The following IL18 variants were observed in gnomAD, a reference collection of about 807,000 sequenced individuals.
IL18 encodes interleukin-18.
In IL18, 8 loss-of-function variants were observed where a neutral mutation model predicts 14.2. That is an observed-to-expected ratio of 0.56 (90% confidence interval 0.33 to 1.01). IL18 has a LOEUF of 1.01. Ranked by LOEUF, IL18 falls within the 50% of genes least tolerant of loss-of-function variation. The pLI is 0.03. For synonymous variants in IL18, 67 were observed against 71.0 expected (o/e 0.94, Z 0.28); for missense variants, 166 against 231.1 (o/e 0.72, Z 1.83).
chr11:112,144,194 A>G (rs147715713), intron 5 of IL18, among the ~76,000 whole-genome samples: 95 of 152,310 alleles, frequency 6.2e-4, no homozygotes, highest in African/African-American at 2.0e-3. Context: ...GCTAAAGACG[A>G]TGATGACCTC....
chr11:112,148,528 T>A, intron 5 of IL18, 75 bp downstream of exon 5: 1 of 767,934 alleles, frequency 1.3e-6, no homozygotes, highest in African/African-American at 1.8e-5. Context: ...TATATTAACA[T>A]TAGAAATAAT....
intron 1 of IL18, among the ~76,000 whole-genome samples, chr11:112,156,281 T>C (rs1866530092): frequency 6.6e-6 from 1 of 152,180 alleles, no homozygotes; most frequent in Non-Finnish European, 1.5e-5. Context: ...GTTGGTGTTA[T>C]ACAACTAACT....
chr11:112,161,914 A>AT (rs140910810), intron 1 of IL18, among the ~76,000 whole-genome samples: 16,093 of 152,136 alleles, frequency 0.11, 1,110 homozygotes, highest in East Asian at 0.39. Context: ...CCTGTTGAAT[A>AT]GGTATGGGAT....
intron 5 of IL18, among the ~76,000 whole-genome samples, chr11:112,147,928 C>T (rs1419379873): frequency 6.6e-6 from 1 of 151,624 alleles, no homozygotes; most frequent in African/African-American, 2.4e-5. Context: ...GTTTATCTAA[C>T]AATAATGGAG....
chr11:112,160,679 A>T (rs993143354), intron 1 of IL18, among the ~76,000 whole-genome samples: 3 of 152,118 alleles, frequency 2.0e-5, no homozygotes, highest in Admixed American at 6.5e-5. Context: ...GTAGAAAGGG[A>T]TGTGTAGAAT....
chr11:112,161,997 A>C (rs1046125643), intron 1 of IL18, among the ~76,000 whole-genome samples: 1 of 152,254 alleles, frequency 6.6e-6, no homozygotes, highest in South Asian at 2.1e-4. Flanking sequence ...CAACAAGATC[A>C]AAACCTAACT....
Position 112,161,920 on chromosome 11 carries a change from G to T in IL18, c.-9+1986C>A, listed in dbSNP as rs78334734. On this transcript the variant is annotated intron_variant, in intron 1 of 5. Transcript: ENST00000280357. ...AATTCCAATCCTGTTGAATAGGTAT[G>T]GGATGAAATGAGGGAGCATGCTACA... is the stretch of plus-strand genomic sequence containing the variant. Among the ~76,000 whole-genome samples the T allele has an allele frequency of 3.9e-5, 6 of 152,258 alleles. No homozygotes were observed. The East Asian group carries it at 1.2e-3, about 29-fold the overall frequency.
At position 112,155,953 on chromosome 11, in the gene IL18, G is replaced by T. The variant is rs1178732862; in HGVS notation, c.-8-892C>A. Among the ~76,000 whole-genome samples, 4 of 152,232 alleles carry T rather than the reference G, an allele frequency of 2.6e-5. No homozygotes were observed. The South Asian group carries it at 6.2e-4, about 24-fold the overall frequency. ...AGTACTTGTGACTCTGTCATTAATA[G>T]AAATACCTATTTTCTGTTGTGCTAC... On this transcript the variant is annotated intron_variant, in intron 1 of 5. Coordinates refer to ENST00000280357, the MANE Select transcript of IL18 (RefSeq NM_001562.4).
rs1184810403 is a variant in IL18, at chr11:112,150,101, A to C, written c.197T>G (p.Phe66Cys). ...ACAGTCAGAATCAGTCATATCTTCAAATAGAGGCCGATTTCCTTGGTCAAT... is the reference window on the plus strand; with the variant it reads ...ACAGTCAGAATCAGTCATATCTTCACATAGAGGCCGATTTCCTTGGTCAAT... ...LFIDQGNRPLFEDMTDSDCRD... is the reference protein window; with the variant it reads ...LFIDQGNRPLCEDMTDSDCRD... Residue 66 changes from phenylalanine to cysteine, a missense_variant, in exon 4 of 6, where the codon TTT becomes TGT. Coordinates refer to ENST00000280357, the MANE Select transcript of IL18 (RefSeq NM_001562.4). 1.2e-6 allele frequency: 2 copies of C among 1,609,914 alleles called. No individual in the cohort carries two copies. Among genetic ancestry groups the C allele is most frequent in the Non-Finnish European group, 1.7e-6 (2 of 1,178,606 alleles).
At chr11:112,146,697 G>A (rs1325267259) in intron 5 of IL18, among the ~76,000 whole-genome samples, 1 of 152,014 alleles carries the variant, frequency 6.6e-6, no homozygotes, top group East Asian at 1.9e-4. Flanking sequence ...GGCAGGAAAA[G>A]GGATTAAAGA....
chr11:112,155,193 G>C (rs360721), intron 1 of IL18, 132 bp from the exon 2 acceptor site: 150,101 of 533,580 alleles, frequency 0.28, 22,095 homozygotes, highest in Admixed American at 0.33. Flanking sequence ...TTCAATAAAT[G>C]CCAGAAGTTT....
At chr11:112,162,988 T>C (rs1282686541) in intron 1 of IL18, among the ~76,000 whole-genome samples, 1 of 152,146 alleles carries the variant, frequency 6.6e-6, no homozygotes, top group Admixed American at 6.5e-5. Flanking sequence ...CCCTGGCTGG[T>C]CTCAAATTCC....
At chr11:112,154,554 C>T (rs557954574) in intron 2 of IL18, among the ~76,000 whole-genome samples, 1 of 151,804 alleles carries the variant, frequency 6.6e-6, no homozygotes, top group East Asian at 1.9e-4. Context: ...AACATATTTA[C>T]ATAAAATGGT....
chr11:112,156,309 C>T (rs1490311138), intron 1 of IL18, among the ~76,000 whole-genome samples: 1 of 152,152 alleles, frequency 6.6e-6, no homozygotes, highest in Non-Finnish European at 1.5e-5. Context: ...ATTTTGGCCT[C>T]CCAAAGTGCT....
At chr11:112,149,330 G>C (rs931318558) in intron 4 of IL18, among the ~76,000 whole-genome samples, 1 of 151,862 alleles carries the variant, frequency 6.6e-6, no homozygotes, top group Non-Finnish European at 1.5e-5. Flanking sequence ...ACAGTTTAAT[G>C]TGTATTACAA....
chr11:112,154,237 T>C (rs1866494470), intron 2 of IL18, among the ~76,000 whole-genome samples: 1 of 152,118 alleles, frequency 6.6e-6, no homozygotes, highest in Non-Finnish European at 1.5e-5. Context: ...TAAGAATCAA[T>C]TTTTAGGCCA....
rs116717072 is a variant in IL18, at chr11:112,152,479, T to C, written c.91+1113A>G. Among the ~76,000 whole-genome samples, 942 of 152,344 alleles carry C rather than the reference T, an allele frequency of 6.2e-3. 7 individuals carry two copies. The highest frequency in any genetic ancestry group is 0.02 in the African/African-American group (814 of 41,578). ...AAGCCAGAATGATATTTTAAAAATA[T>C]ATTATTTCTGAATTTTAAAGAGTCA... On this transcript the variant is annotated intron_variant, in intron 3 of 5. Coordinates refer to ENST00000280357, the MANE Select transcript of IL18 (RefSeq NM_001562.4).
intron 3 of IL18, among the ~76,000 whole-genome samples, chr11:112,151,399 C>G (rs187620606): frequency 3.3e-5 from 5 of 151,870 alleles, no homozygotes; most frequent in African/African-American, 7.2e-5. Context: ...AAAATGGTAG[C>G]TATCATTATT....
Position 112,143,697 on chromosome 11 carries a change from G to C in IL18, c.481C>G (p.Leu161Val). 6.2e-7 allele frequency: 1 copy of C among 1,612,400 alleles called. No individual in the cohort carries two copies. The highest frequency in any genetic ancestry group is 1.1e-5 in the South Asian group (1 of 91,058). The change falls in exon 6 of 6, where the codon CTA (leucine) becomes GTA (valine). Residue 161 changes from leucine to valine, a missense_variant. Leu to Val is a conservative substitution (Grantham distance 32). Coordinates refer to ENST00000280357, the MANE Select transcript of IL18 (RefSeq NM_001562.4). ...AGGTCTCTCTCTTTTTCACAAGCTA[G>C]AAAGTATCCTTCGTATGATGAAGAT... Reference protein sequence around the residue: ...FESSSYEGYFLACEKERDLFK... With the variant: ...FESSSYEGYFVACEKERDLFK...
Sources: allele counts gnomAD v4.1 joint callset (sites outside exome capture counted in the v4.1 genomes callset), GRCh38; gene constraint gnomAD v4.1.1; transcripts MANE v1.5; gene names NCBI Gene and HGNC (gene_info 2026-07-23, HGNC 2026-07-21).